The following TYW1 variants were observed in gnomAD, a reference collection of about 807,000 sequenced individuals.
TYW1 encodes S-adenosyl-L-methionine-dependent tRNA 4-demethylwyosine synthase TYW1.
Under a neutral mutation model 96.2 loss-of-function variants are expected in TYW1, and 46 were observed. The observed-to-expected ratio is 0.48, with a 90% CI of 0.38 to 0.61. TYW1 has a LOEUF of 0.61. Among genes scored for constraint, TYW1 ranks in the 20% least tolerant of loss-of-function variants. TYW1 has a pLI of 0.00. For synonymous variants in TYW1, 274 were observed against 323.0 expected (o/e 0.85, Z 1.63); for missense variants, 684 against 909.6 (o/e 0.75, Z 3.19).
At chr7:67,041,235 A>C (rs1189381043) in intron 7 of TYW1, among the ~76,000 whole-genome samples, 1 of 152,122 alleles carries the variant, frequency 6.6e-6, no homozygotes, top group Non-Finnish European at 1.5e-5. Flanking sequence ...GGGATATGGG[A>C]TACTAAACTT....
In TYW1 at chr7:67,133,449, C is replaced by T. The variant is rs534483040; in HGVS notation, c.1698+15831C>T. On this transcript the variant is annotated intron_variant, in intron 13 of 15. Transcript: ENST00000359626. ...CACGGTGGCTTACACCTGTAATCCC[C>T]AGCACTTTGGGAGGCCAAGGCAGGC... 3.3e-5 allele frequency among the ~76,000 whole-genome samples: 5 copies of T among 152,022 alleles called. No homozygotes were observed. The South Asian group carries it at 1.0e-3, about 32-fold the overall frequency.
chr7:67,056,611 G>T (rs905583307), intron 9 of TYW1, among the ~76,000 whole-genome samples: 2 of 151,904 alleles, frequency 1.3e-5, no homozygotes, highest in Admixed American at 1.3e-4. Context: ...CATGTAACAT[G>T]CATCAGTAGT....
chr7:67,142,087 C>T (rs1376092167), intron 13 of TYW1, among the ~76,000 whole-genome samples: 1 of 143,626 alleles, frequency 7.0e-6, no homozygotes, highest in Non-Finnish European at 1.5e-5. Flanking sequence ...CACATGGGCT[C>T]AATAATGTCA....
At chr7:67,095,751 CTT>C (rs1458434925) in intron 11 of TYW1, among the ~76,000 whole-genome samples, 1 of 152,010 alleles carries the variant, frequency 6.6e-6, no homozygotes. Context: ...CTCTGCATCT[CTT>C]TGCCAGCCCC....
chr7:67,132,032 A>G (rs1157905830), intron 13 of TYW1, among the ~76,000 whole-genome samples: 1 of 152,120 alleles, frequency 6.6e-6, no homozygotes, highest in African/African-American at 2.4e-5. Context: ...CACTGACTCA[A>G]ATGTTAATCT....
chr7:67,166,044 A>AG lies in TYW1; in HGVS notation c.1699-17081dup, dbSNP rs1799311341. Among the ~76,000 whole-genome samples, 4 of 152,172 alleles carry AG rather than the reference A, an allele frequency of 2.6e-5. No homozygotes were observed. The South Asian group carries it at 8.3e-4, about 32-fold the overall frequency. ...CACTTGAGGCCAGGAGTTTGAGACC[A>AG]GCCTGACAATATAGCGACACTCCAT... On this transcript the variant is annotated intron_variant, in intron 13 of 15. Coordinates refer to ENST00000359626, the MANE Select transcript of TYW1 (RefSeq NM_018264.4).
At chr7:67,067,536 T>C in intron 10 of TYW1, 133 bp downstream of exon 10, 2 of 1,069,034 alleles carry the variant, frequency 1.9e-6, no homozygotes. Flanking sequence ...TGAATGTTAG[T>C]GTATAAAAAT....
intron 11 of TYW1, among the ~76,000 whole-genome samples, chr7:67,085,517 C>T (rs191480394): frequency 3.3e-5 from 5 of 152,232 alleles, no homozygotes; most frequent in East Asian, 3.9e-4. Context: ...TGCTGAACTG[C>T]GAATCAATTA....
intron 12 of TYW1, among the ~76,000 whole-genome samples, chr7:67,113,588 A>C (rs1369077036): frequency 6.0e-5 from 9 of 151,172 alleles, no homozygotes; most frequent in Non-Finnish European, 1.0e-4. Flanking sequence ...CTGGACTTGA[A>C]TCTCCTTGAC....
At chr7:67,108,763 A>G (rs1797313039) in intron 12 of TYW1, among the ~76,000 whole-genome samples, 1 of 152,018 alleles carries the variant, frequency 6.6e-6, no homozygotes, top group East Asian at 1.9e-4. Context: ...TCTTTTCAAG[A>G]GCACAGAACT....
At chr7:66,997,803 ATTT>A (rs1423457385) in intron 1 of TYW1, among the ~76,000 whole-genome samples, 1 of 151,810 alleles carries the variant, frequency 6.6e-6, no homozygotes, top group African/African-American at 2.4e-5. Context: ...TAATTTTTGT[ATTT>A]TTAGTAGAGG....
chr7:67,062,241 T>C (rs992776566), intron 9 of TYW1, among the ~76,000 whole-genome samples: 13 of 152,062 alleles, frequency 8.5e-5, no homozygotes, highest in African/African-American at 3.1e-4. Context: ...AAACCCTGTC[T>C]CTACTAAAAA....
chr7:67,110,498 G>C (rs1039784036), intron 12 of TYW1, among the ~76,000 whole-genome samples: 1 of 152,186 alleles, frequency 6.6e-6, no homozygotes, highest in Non-Finnish European at 1.5e-5. Flanking sequence ...TTAATGAGCT[G>C]ACCACTAAGC....
At chr7:67,136,688 T>C (rs67311877) in intron 13 of TYW1, among the ~76,000 whole-genome samples, 41,849 of 142,808 alleles carry the variant, frequency 0.29, 6,644 homozygotes, top group African/African-American at 0.48. Flanking sequence ...TGTGTGTGTA[T>C]ATATATATAT....
intron 13 of TYW1, among the ~76,000 whole-genome samples, chr7:67,161,272 A>C (rs552908623): frequency 6.6e-6 from 1 of 152,312 alleles, no homozygotes; most frequent in East Asian, 1.9e-4. Context: ...ACACACATAC[A>C]ACTTTGAGAT....
intron 13 of TYW1, among the ~76,000 whole-genome samples, chr7:67,173,837 G>T (rs1444053735): frequency 7.1e-6 from 1 of 141,230 alleles, no homozygotes; most frequent in African/African-American, 2.8e-5. Flanking sequence ...TTATGAATGG[G>T]TGGTGAATGG....
chr7:67,081,713 CTCTTCT>C (rs146087837), intron 10 of TYW1, among the ~76,000 whole-genome samples: 1 of 151,254 alleles, frequency 6.6e-6, no homozygotes, highest in Non-Finnish European at 1.5e-5. Flanking sequence ...TCTCCCTTCT[CTCTTCT>C]TCTTCTTTTC....
At chr7:67,086,863 T>C (rs1430981003) in intron 11 of TYW1, among the ~76,000 whole-genome samples, 4 of 152,108 alleles carry the variant, frequency 2.6e-5, no homozygotes, top group Non-Finnish European at 5.9e-5. Context: ...CCATCACAGA[T>C]AGTAATATCA....
At chr7:67,199,058 G>A (rs572960786) in intron 15 of TYW1, among the ~76,000 whole-genome samples, 74 of 152,142 alleles carry the variant, frequency 4.9e-4, no homozygotes, top group African/African-American at 1.6e-3. Context: ...TTTCCTAGGC[G>A]TGATGGCATG....
Sources: allele counts gnomAD v4.1 joint callset (sites outside exome capture counted in the v4.1 genomes callset), GRCh38; gene constraint gnomAD v4.1.1; transcripts MANE v1.5; gene names NCBI Gene and HGNC (gene_info 2026-07-23, HGNC 2026-07-21).